Variants in C7 observed in about 807,000 individuals in gnomAD.
C7 encodes the protein complement C7.
In C7, 83 loss-of-function variants were observed where a neutral mutation model predicts 104.8. The observed-to-expected ratio is 0.79, with a 90% CI of 0.66 to 0.95. C7 has a LOEUF of 0.95. C7 is among the 40% of genes least tolerant of loss of function. The pLI is 0.00. For synonymous variants in C7, 415 were observed against 360.6 expected (o/e 1.15, Z -1.71); for missense variants, 1,070 against 1,011.2 (o/e 1.06, Z -0.79).
chr5:40,937,798 G>C, intron 6 of C7, 108 bp downstream of exon 6: 1 of 916,694 alleles, frequency 1.1e-6, no homozygotes, highest in South Asian at 2.3e-5. Flanking sequence ...CTAATGTGTG[G>C]TCAATTTTTA....
At chr5:40,941,939 G>A (rs1013691236) in intron 6 of C7, among the ~76,000 whole-genome samples, 3 of 152,214 alleles carry the variant, frequency 2.0e-5, no homozygotes, top group East Asian at 1.9e-4. Flanking sequence ...GCATAGAGGA[G>A]TAATAGAAGG....
At chr5:40,921,871 C>T (rs963059901) in intron 1 of C7, among the ~76,000 whole-genome samples, 2 of 150,692 alleles carry the variant, frequency 1.3e-5, no homozygotes, top group Non-Finnish European at 2.9e-5. Flanking sequence ...CCCGTCTCTA[C>T]TAAAAAAAAT....
chr5:40,931,353 AT>A (rs1739679787), intron 3 of C7, among the ~76,000 whole-genome samples: 1 of 152,176 alleles, frequency 6.6e-6, no homozygotes, highest in African/African-American at 2.4e-5. Flanking sequence ...TTGTATATTC[AT>A]TTTTCTAGAT....
chr5:40,926,785 C>G (rs1739562967), intron 1 of C7, among the ~76,000 whole-genome samples: 1 of 152,044 alleles, frequency 6.6e-6, no homozygotes, highest in South Asian at 2.1e-4. Context: ...ATCCCTTGTT[C>G]ATGGATTAGA....
intron 1 of C7, among the ~76,000 whole-genome samples, chr5:40,914,303 TTTG>T (rs1367182069): frequency 2.0e-5 from 3 of 152,270 alleles, no homozygotes; most frequent in Non-Finnish European, 2.9e-5. Context: ...TTTTAATGTT[TTTG>T]TTGTTGTTGT....
intron 1 of C7, among the ~76,000 whole-genome samples, chr5:40,910,641 T>C (rs1739187214): frequency 6.6e-6 from 1 of 152,098 alleles, no homozygotes; most frequent in South Asian, 2.1e-4. Context: ...TAGAGGTCAT[T>C]ATCCTAAGAA....
At chr5:40,940,240 G>T (rs1264520286) in intron 6 of C7, among the ~76,000 whole-genome samples, 1 of 152,086 alleles carries the variant, frequency 6.6e-6, no homozygotes, top group African/African-American at 2.4e-5. Flanking sequence ...TTTTAGCATC[G>T]CGGTTTATCC....
intron 16 of C7, 47 bp downstream of exon 16, chr5:40,976,887 A>G: frequency 7.2e-7 from 1 of 1,386,852 alleles, no homozygotes; most frequent in Non-Finnish European, 1.0e-6. Context: ...TATTAATGAT[A>G]AGGGATAATT....
chr5:40,964,919 G>T, intron 14 of C7, 46 bp downstream of exon 14: 5 of 1,601,206 alleles, frequency 3.1e-6, no homozygotes, highest in Non-Finnish European at 4.3e-6. Flanking sequence ...AAAATTACGT[G>T]GAAGAGAATG....
rs750236790 is a variant in C7, at chr5:40,957,078, C to T, written c.1261-955C>T. Among the ~76,000 whole-genome samples the T allele has an allele frequency of 2.0e-4, 31 of 152,200 alleles. 1 individual carries two copies. Among genetic ancestry groups the T allele is most frequent in the Non-Finnish European group, 2.5e-4 (17 of 68,040 alleles). ...CATGACTATGCAAAGCCATCGTGTT[C>T]GCAACAGCTTGGGCTCTCAGGAACC... is the stretch of plus-strand genomic sequence containing the variant. On this transcript the variant is annotated intron_variant, in intron 10 of 17. Transcript: ENST00000313164.
Position 40,984,050 on chromosome 5 carries a change from A to G in C7, c.*2477A>G, listed in dbSNP as rs1222318883. On this transcript the variant is annotated 3_prime_UTR_variant, in exon 18 of 18. Coordinates refer to ENST00000313164, the MANE Select transcript of C7 (RefSeq NM_000587.4). ...TCCTACAGATCATCGCTTACCACTC[A>G]TGAGGACGCTACAAGTTACCTGGGC... Among the ~76,000 whole-genome samples, 5 of 152,320 alleles carry G rather than the reference A, an allele frequency of 3.3e-5. No homozygotes were observed. The highest frequency in any genetic ancestry group is 1.5e-5 in the Non-Finnish European group (1 of 68,008).
At chr5:40,977,155 G>A (rs1740837798) in intron 16 of C7, among the ~76,000 whole-genome samples, 1 of 152,130 alleles carries the variant, frequency 6.6e-6, no homozygotes, top group South Asian at 2.1e-4. Context: ...GAGGATTAGA[G>A]GATTAAAACT....
In C7 at chr5:40,928,285, CAGTT is replaced by C. The variant is rs1269290001; in HGVS notation, c.7-292_7-289del. Among the ~76,000 whole-genome samples the C allele has an allele frequency of 5.3e-5, 8 of 152,246 alleles. No individual in the cohort carries two copies. The East Asian group carries it at 1.3e-3, about 26-fold the overall frequency. On this transcript the variant is annotated intron_variant, in intron 1 of 17. Transcript: ENST00000313164. Reference sequence around the variant, plus strand: ...ATAAAGGTCAAAGGGTACACAATCTCAGTTAGCAGAAATATATTTTGAATTCTAT... The same window carrying C: ...ATAAAGGTCAAAGGGTACACAATCTCAGCAGAAATATATTTTGAATTCTAT...
At chr5:40,959,760 T>A in intron 12 of C7, 140 bp downstream of exon 12, 1 of 617,800 alleles carries the variant, frequency 1.6e-6, no homozygotes, top group Non-Finnish European at 2.6e-6. Context: ...CCCTTAGCAC[T>A]AGGGTGAGTT....
At chr5:40,961,570 A>G (rs540087369) in intron 12 of C7, among the ~76,000 whole-genome samples, 319 of 152,144 alleles carry the variant, frequency 2.1e-3, no homozygotes, top group Non-Finnish European at 3.5e-3. Context: ...GTTTTAGTAG[A>G]GATGGGGTTT....
intron 1 of C7, 26 bp from the exon 2 acceptor site, chr5:40,928,554 A>G: frequency 7.6e-7 from 1 of 1,318,116 alleles, no homozygotes; most frequent in Non-Finnish European, 1.1e-6. Flanking sequence ...AAGCTAAAAT[A>G]ATACTTTATT....
chr5:40,917,142 A>C (rs1324863789), intron 1 of C7, among the ~76,000 whole-genome samples: 1 of 151,804 alleles, frequency 6.6e-6, no homozygotes, highest in East Asian at 1.9e-4. Flanking sequence ...CTCAAAAAAA[A>C]AAAAAAGAAA....
rs982798682 is a variant in C7, at chr5:40,955,397, CA to C, written c.1106del (p.Asn369MetfsTer23). On this transcript the variant is annotated frameshift_variant, in exon 10 of 18. Coordinates refer to ENST00000313164, the MANE Select transcript of C7 (RefSeq NM_000587.4). LOFTEE classifies it high-confidence loss of function. ...CTTTCTTCTGTATAGGAACCCAGAA[CA>C]ATGTATTGCGAGGAGAACCGTTCAT... Reference protein sequence around the residue: ...ALKAASGTQNNVLRGEPFIRG... With the variant: ...ALKAASGTQNXVLRGEPFIRG... 1 of 1,606,504 alleles carries C rather than the reference CA, an allele frequency of 6.2e-7. No individual in the cohort carries two copies. Among genetic ancestry groups the C allele is most frequent in the African/African-American group, 1.3e-5 (1 of 74,524 alleles).
chr5:40,954,145 G>A (rs1007700164), intron 9 of C7, among the ~76,000 whole-genome samples: 13 of 152,122 alleles, frequency 8.5e-5, no homozygotes, highest in Non-Finnish European at 1.3e-4. Flanking sequence ...CATGCGTTAA[G>A]TAATAGATTC....
Sources: gnomAD v4.1 joint callset for allele counts (sites outside exome capture counted in the v4.1 genomes callset) on GRCh38, gnomAD v4.1.1 for gene constraint, MANE v1.5 for transcripts, NCBI Gene and HGNC (gene_info 2026-07-23, HGNC 2026-07-21) for gene names.